SIPA1L3: variants seen among roughly 807,000 people sequenced by gnomAD.
SIPA1L3 encodes the protein signal-induced proliferation-associated 1-like protein 3.
A neutral mutation model predicts 150.1 loss-of-function variants in SIPA1L3; 59 were observed. That is an observed-to-expected ratio of 0.39 (90% CI 0.32 to 0.49). The LOEUF is 0.49. Ranked by LOEUF, SIPA1L3 falls within the 20% of genes least tolerant of loss-of-function variation. SIPA1L3 has a pLI of 0.86. For missense variants in SIPA1L3, 2,211 were observed against 2,489.5 expected (o/e 0.89, Z 2.38); for synonymous variants, 1,070 against 1,077.6 (o/e 0.99, Z 0.14).
intron 2 of SIPA1L3, among the ~76,000 whole-genome samples, chr19:38,072,845 G>A (rs1969753611): frequency 6.6e-6 from 1 of 152,264 alleles, no homozygotes; most frequent in South Asian, 2.1e-4. Flanking sequence ...TGAGCTTCTG[G>A]CAGACATTGC....
At chr19:38,202,063 C>A in intron 20 of SIPA1L3, 66 bp downstream of exon 20, 2 of 1,494,934 alleles carry the variant, frequency 1.3e-6, no homozygotes, top group South Asian at 1.3e-5. Flanking sequence ...AAGAGGCTTA[C>A]CCAGAGAGAG....
At chr19:38,201,839 T>C in intron 19 of SIPA1L3, 23 bp from the exon 20 acceptor site, 1 of 1,577,204 alleles carries the variant, frequency 6.3e-7, no homozygotes, top group Non-Finnish European at 8.6e-7. Flanking sequence ...CTGACCCCTC[T>C]CCTCCTCCTC....
At chr19:37,925,017 C>G (rs1310391130) in intron 1 of SIPA1L3, among the ~76,000 whole-genome samples, 1 of 151,428 alleles carries the variant, frequency 6.6e-6, no homozygotes, top group Admixed American at 6.6e-5. Context: ...CCACTGCACT[C>G]CAGCCTGGGG....
chr19:38,186,599 C>T (rs1972683685), intron 16 of SIPA1L3, among the ~76,000 whole-genome samples: 1 of 151,610 alleles, frequency 6.6e-6, no homozygotes, highest in African/African-American at 2.4e-5. Flanking sequence ...GGCAATCCGC[C>T]CCCCCTTGGC....
chr19:38,183,772 AGAAGCCGGG>A (rs1271699737), intron 16 of SIPA1L3, among the ~76,000 whole-genome samples: 2 of 150,066 alleles, frequency 1.3e-5, no homozygotes, highest in African/African-American at 5.1e-5. Flanking sequence ...AGCCAAAGTG[AGAAGCCGGG>A]GAAGGCGGGG....
At chr19:37,983,820 A>C (rs1599866868) in intron 1 of SIPA1L3, among the ~76,000 whole-genome samples, 2 of 151,302 alleles carry the variant, frequency 1.3e-5, no homozygotes, top group East Asian at 3.9e-4. Context: ...GTGGGAGGAT[A>C]ACTTGAGCCT....
intron 4 of SIPA1L3, among the ~76,000 whole-genome samples, chr19:38,096,034 C>T (rs986541502): frequency 4.6e-5 from 7 of 152,130 alleles, no homozygotes; most frequent in African/African-American, 1.2e-4. Context: ...TTGACACTAC[C>T]GTGCTTGTGA....
At chr19:38,137,492 A>ATT (rs57123423) in intron 10 of SIPA1L3, among the ~76,000 whole-genome samples, 1 of 147,550 alleles carries the variant, frequency 6.8e-6, no homozygotes, top group East Asian at 2.0e-4. Context: ...CCTGGCCCAT[A>ATT]TTTTTTTTTT....
intron 1 of SIPA1L3, among the ~76,000 whole-genome samples, chr19:37,983,524 T>C (rs1166322390): frequency 6.6e-6 from 1 of 152,156 alleles, no homozygotes; most frequent in Non-Finnish European, 1.5e-5. Flanking sequence ...AACCGAGTCT[T>C]AGCCTCAGGT....
chr19:37,990,518 G>A (rs1967477114), intron 1 of SIPA1L3, among the ~76,000 whole-genome samples: 1 of 152,222 alleles, frequency 6.6e-6, no homozygotes, highest in African/African-American at 2.4e-5. Context: ...GCTGGGCATG[G>A]AGACAAGGAA....
rs773694250 is a variant in SIPA1L3, at chr19:38,081,990, C to A, written c.425C>A (p.Ser142Tyr). 1.2e-6 allele frequency: 2 copies of A among 1,614,206 alleles called. No individual in the cohort carries two copies. The highest frequency in any genetic ancestry group is 2.2e-5 in the East Asian group (1 of 44,872). Residue 142 changes from serine to tyrosine, a missense_variant, in exon 3 of 22, where the codon TCC (serine) becomes TAC (tyrosine). Physicochemically the swap from Ser to Tyr is moderately radical, Grantham distance 144. Transcript: ENST00000222345. ...SSGSKAFHRLSRRRSKDVEFQ... is the reference protein window; with the variant it reads ...SSGSKAFHRLYRRRSKDVEFQ... ...GGGTCCAAAGCCTTCCACCGACTCT[C>A]CAGGAGAAGGTCCAAAGACGTGGAG...
chr19:38,087,268 C>T (rs1970155378), intron 3 of SIPA1L3, among the ~76,000 whole-genome samples: 1 of 152,170 alleles, frequency 6.6e-6, no homozygotes, highest in Admixed American at 6.5e-5. Flanking sequence ...AAAGCAACAA[C>T]CCCTGTAGCT....
chr19:38,091,956 C>G (rs1970268245), intron 4 of SIPA1L3, among the ~76,000 whole-genome samples: 1 of 150,780 alleles, frequency 6.6e-6, no homozygotes, highest in South Asian at 2.1e-4. Context: ...CCCAGCTTCT[C>G]AGGAGGCTGA....
chr19:38,002,717 CAAAAAA>C (rs55737969), intron 1 of SIPA1L3, among the ~76,000 whole-genome samples: 1 of 61,416 alleles, frequency 1.6e-5, no homozygotes, highest in African/African-American at 7.2e-5. Context: ...GACTCCATCT[CAAAAAA>C]AAAAAAAAAA....
At position 38,174,782 on chromosome 19, in the gene SIPA1L3, T is replaced by C. The variant is rs111623568; in HGVS notation, c.4209-7737T>C. 2.4e-3 allele frequency among the ~76,000 whole-genome samples: 355 copies of C among 150,954 alleles called. 2 individuals are homozygous for C. The highest frequency in any genetic ancestry group is 8.2e-3 in the African/African-American group (336 of 41,008). ...AGAGAATCACTTGATTGCAGTGAGC[T>C]GAGATGGCACCACTGGACTCCAGCC... On this transcript the variant is annotated intron_variant, in intron 15 of 21. Coordinates refer to ENST00000222345, the MANE Select transcript of SIPA1L3 (RefSeq NM_015073.3).
intron 18 of SIPA1L3, among the ~76,000 whole-genome samples, chr19:38,197,690 G>T (rs930199180): frequency 6.6e-6 from 1 of 151,066 alleles, no homozygotes; most frequent in Non-Finnish European, 1.5e-5. Context: ...CCGCAATCCT[G>T]GCCCTTCTCT....
At chr19:38,042,838 T>G (rs1244268618) in intron 2 of SIPA1L3, among the ~76,000 whole-genome samples, 1 of 152,190 alleles carries the variant, frequency 6.6e-6, no homozygotes, top group African/African-American at 2.4e-5. Flanking sequence ...CATTCATTCA[T>G]TCGACATTGA....
In SIPA1L3 at chr19:37,942,707, G is replaced by T. The variant is rs140339762; in HGVS notation, c.-379+35349G>T. ...CAGTGAGGAGAGAAGTAGAGTCCCG[G>T]ATGAGAGTGGTGGCAATGGGGACAA... is the stretch of plus-strand genomic sequence containing the variant. On this transcript the variant is annotated intron_variant, in intron 1 of 21. Coordinates refer to ENST00000222345, the MANE Select transcript of SIPA1L3 (RefSeq NM_015073.3). Among the ~76,000 whole-genome samples the T allele has an allele frequency of 4.9e-4, 74 of 152,220 alleles. No individual in the cohort carries two copies. In the East Asian group the frequency reaches 0.013, roughly 26 times the overall value.
chr19:37,929,037 C>T (rs1361914916), intron 1 of SIPA1L3, among the ~76,000 whole-genome samples: 3 of 152,364 alleles, frequency 2.0e-5, no homozygotes, highest in Non-Finnish European at 2.9e-5. Context: ...GGGCATCTCT[C>T]ACTTGCTGTG....
Sources: allele counts gnomAD v4.1 joint callset (sites outside exome capture counted in the v4.1 genomes callset), GRCh38; gene constraint gnomAD v4.1.1; transcripts MANE v1.5; gene names NCBI Gene and HGNC (gene_info 2026-07-23, HGNC 2026-07-21).